Variants in RNF220 observed in about 807,000 individuals in gnomAD.
RNF220 encodes the protein ring finger protein 220.
In RNF220, 7 loss-of-function variants were observed where a neutral mutation model predicts 67.1. The observed-to-expected ratio is 0.10, with a 90% CI of 0.06 to 0.20. The LOEUF is 0.20. Ranked by LOEUF, RNF220 falls within the 10% of genes least tolerant of loss-of-function variation. RNF220 has a pLI of 1.00. For synonymous variants in RNF220, 270 were observed against 283.2 expected, an observed-to-expected ratio of 0.95 and a Z score of 0.47; for missense variants, 565 against 740.3, an observed-to-expected ratio of 0.76 and a Z score of 2.75.
At chr1:44,626,499 G>A in intron 5 of RNF220, 101 bp downstream of exon 5, 1 of 904,966 alleles carries the variant, frequency 1.1e-6, no homozygotes, top group South Asian at 1.4e-5. Flanking sequence ...GTAGGCCACA[G>A]GAGAGGCCTG....
At chr1:44,456,866 C>A (rs546952775) in intron 2 of RNF220, among the ~76,000 whole-genome samples, 1 of 152,228 alleles carries the variant, frequency 6.6e-6, no homozygotes, top group African/African-American at 2.4e-5. Flanking sequence ...GGTAGGACAT[C>A]CTGCAATCCC....
intron 8 of RNF220, 25 bp from the exon 9 acceptor site, chr1:44,644,673 C>G (rs1361563351): frequency 6.2e-7 from 1 of 1,603,142 alleles, no homozygotes; most frequent in Non-Finnish European, 8.5e-7. Context: ...GTCCCCAGGC[C>G]CTCCTCACAC....
At chr1:44,443,112 CACTCATGTGTATCTGGCTGCCTTCTAG>C (rs1651730098) in intron 2 of RNF220, among the ~76,000 whole-genome samples, 1 of 152,192 alleles carries the variant, frequency 6.6e-6, no homozygotes, top group African/African-American at 2.4e-5. Context: ...TGCTGAGCTT[CACTCATGTGTATCTGGCTGCCTTCTAG>C]ACTTTTATTC....
At chr1:44,627,471 A>G (rs1211428489) in intron 5 of RNF220, among the ~76,000 whole-genome samples, 1 of 152,112 alleles carries the variant, frequency 6.6e-6, no homozygotes, top group Non-Finnish European at 1.5e-5. Flanking sequence ...TCTTGGGCAA[A>G]TAGGAAGGGA....
intron 2 of RNF220, among the ~76,000 whole-genome samples, chr1:44,526,578 C>T (rs1332967550): frequency 6.6e-6 from 1 of 152,164 alleles, no homozygotes; most frequent in African/African-American, 2.4e-5. Context: ...CATCCTTCCA[C>T]CTGGGCCCAT....
intron 2 of RNF220, among the ~76,000 whole-genome samples, chr1:44,464,066 GT>G (rs1292082602): frequency 6.6e-6 from 1 of 152,232 alleles, no homozygotes; most frequent in Non-Finnish European, 1.5e-5. Flanking sequence ...ACTATGAACA[GT>G]TGCAGAAAAT....
rs1648062472 is a variant in RNF220, at chr1:44,412,472, C to T, written c.375C>T (p.Ser125=). 6.2e-7 allele frequency: 1 copy of T among 1,611,176 alleles called. No homozygotes were observed. Among genetic ancestry groups the T allele is most frequent in the African/African-American group, 1.3e-5 (1 of 74,890 alleles). The change falls in exon 2 of 15, where the codon TCC becomes TCT. Residue 125 remains serine, a synonymous_variant. Coordinates refer to ENST00000361799, the MANE Select transcript of RNF220 (RefSeq NM_018150.4). This position sits in a 1 kb window ranked among gnomAD's most constrained non-coding sequence, Gnocchi z 5.3. ...SGVGAFRPFA[S]TEDRESYQSA... is the part of the protein sequence containing the mutation. ...TGGGGGCTTTCCGGCCCTTTGCCTC[C>T]ACCGAGGACCGGGAGAGCTATCAGT...
intron 2 of RNF220, among the ~76,000 whole-genome samples, chr1:44,558,193 T>C (rs940922987): frequency 1.3e-5 from 2 of 152,212 alleles, no homozygotes; most frequent in Admixed American, 6.5e-5. Context: ...GCCTTGCACT[T>C]GCCCACATTT....
intron 2 of RNF220, among the ~76,000 whole-genome samples, chr1:44,557,769 C>A (rs1011990128): frequency 6.6e-6 from 1 of 152,234 alleles, no homozygotes. Flanking sequence ...AGCAAACCCA[C>A]TTTGCCTACA....
chr1:44,450,272 C>G (rs1652537643), intron 2 of RNF220, among the ~76,000 whole-genome samples: 1 of 152,010 alleles, frequency 6.6e-6, no homozygotes. Flanking sequence ...CCTTGCGAAG[C>G]CTGCATTGCC....
intron 2 of RNF220, among the ~76,000 whole-genome samples, chr1:44,421,789 T>C (rs557757448): frequency 8.0e-4 from 122 of 152,210 alleles, no homozygotes; most frequent in African/African-American, 2.8e-3. Context: ...TGACTCTGCA[T>C]GTCAGTGGGA....
chr1:44,480,297 C>T (rs1388206788), intron 2 of RNF220, among the ~76,000 whole-genome samples: 2 of 152,058 alleles, frequency 1.3e-5, no homozygotes, highest in African/African-American at 4.8e-5. Context: ...GTCCCAGCTA[C>T]TCAGGGGGCT....
intron 1 of RNF220, among the ~76,000 whole-genome samples, chr1:44,411,582 A>G (rs1647964516): frequency 6.6e-6 from 1 of 152,220 alleles, no homozygotes; most frequent in Admixed American, 6.5e-5. Flanking sequence ...GTCTCTGAAC[A>G]TCAGGCCTGC....
intron 2 of RNF220, among the ~76,000 whole-genome samples, chr1:44,597,574 C>A (rs759241187): frequency 6.6e-6 from 1 of 151,134 alleles, no homozygotes; most frequent in African/African-American, 2.4e-5. Flanking sequence ...CTCTCACGTT[C>A]TTTTCATACA....
intron 2 of RNF220, among the ~76,000 whole-genome samples, chr1:44,413,056 A>T (rs528677650): frequency 3.0e-4 from 45 of 152,240 alleles, no homozygotes; most frequent in Non-Finnish European, 5.6e-4. Context: ...GTCGGCTCCT[A>T]GGGAATTTGG....
chr1:44,556,676 C>T (rs12093173), intron 2 of RNF220, among the ~76,000 whole-genome samples: 3,917 of 151,750 alleles, frequency 0.026, 151 homozygotes, highest in East Asian at 0.13. Context: ...TCTCCTGCCT[C>T]AGTCTCCCTA....
rs371252780 is a variant in RNF220, at chr1:44,590,168, G to C, written c.626-23997G>C. On this transcript the variant is annotated intron_variant, in intron 2 of 14. Coordinates refer to ENST00000361799, the MANE Select transcript of RNF220 (RefSeq NM_018150.4). Reference sequence around the variant, plus strand: ...GAGCCAAGGAGCAGGCTGGTACCAGGATTCACAGGTGTGGTTTAGGACATC... The same window carrying C: ...GAGCCAAGGAGCAGGCTGGTACCAGCATTCACAGGTGTGGTTTAGGACATC... 1.7e-4 allele frequency among the ~76,000 whole-genome samples: 26 copies of C among 152,304 alleles called. No individual in the cohort carries two copies. In the East Asian group the frequency reaches 3.7e-3, roughly 21 times the overall value.
At chr1:44,635,687 C>T (rs762379276) in intron 7 of RNF220, 99 bp downstream of exon 7, 9 of 1,590,494 alleles carry the variant, frequency 5.7e-6, no homozygotes, top group Middle Eastern at 1.7e-4. Context: ...CATCACCACC[C>T]ACCTTCCTTC....
At chr1:44,526,119 A>G (rs1420823600) in intron 2 of RNF220, among the ~76,000 whole-genome samples, 1 of 151,964 alleles carries the variant, frequency 6.6e-6, no homozygotes, top group African/African-American at 2.4e-5. Flanking sequence ...CTGTTTGCCT[A>G]CCTCAAATCC....
Sources: gnomAD v4.1 joint callset for allele counts (sites outside exome capture counted in the v4.1 genomes callset) on GRCh38, gnomAD v4.1.1 for gene constraint, Gnocchi (gnomAD v3.1) non-coding constraint, MANE v1.5 for transcripts, NCBI Gene and HGNC (gene_info 2026-07-23, HGNC 2026-07-21) for gene names.